The following FAM178B variants were observed in gnomAD, a reference collection of about 807,000 sequenced individuals.
The protein encoded by FAM178B is family with sequence similarity 178 member B.
A neutral mutation model predicts 91.7 loss-of-function variants in FAM178B; 82 were observed. The ratio of observed to expected loss-of-function variants is 0.89; its 90% CI spans 0.75 to 1.07. The LOEUF is 1.07. Ranked by LOEUF, FAM178B falls within the 50% of genes least tolerant of loss-of-function variation. FAM178B has a pLI of 0.00. For missense variants in FAM178B, 769 were observed against 846.7 expected, an observed-to-expected ratio of 0.91 and a Z score of 1.14; for synonymous variants, 368 against 359.4, an observed-to-expected ratio of 1.02 and a Z score of -0.27.
At chr2:96,984,406 ATGCAGTCTC>A (rs988124660) in intron 1 of FAM178B, among the ~76,000 whole-genome samples, 21 of 152,202 alleles carry the variant, frequency 1.4e-4, no homozygotes, top group Non-Finnish European at 2.8e-4. Context: ...GATGAGGAAG[ATGCAGTCTC>A]TGCCCTAGAG....
At position 96,986,384 on chromosome 2, in the gene FAM178B, C is replaced by T. The variant is rs1389165099; in HGVS notation, c.-71G>A. The T allele has an allele frequency of 1.1e-5, 16 of 1,491,834 alleles. No homozygotes were observed. In the East Asian group the frequency reaches 3.5e-4, roughly 33 times the overall value. 92.4% of individuals were successfully genotyped at this position (1,491,834 alleles called of 1,614,324 possible). On this transcript the variant is annotated 5_prime_UTR_variant, in exon 1 of 17. Coordinates refer to ENST00000490605, the MANE Select transcript of FAM178B (RefSeq NM_001122646.3). ...TTCGCACGGCCTCAGAGGACGGGGC[C>T]AGCTAGCCGGGAAAGGAAGCAGGAG...
rs559416706 is a variant in FAM178B at position 96,978,974 on chromosome 2, C to CT, written c.74-6369dup. ...ATAGTATTCTATGGTGTATGTATCA[C>CT]TTTTTTTTTTTTTTTTTTTTTGAAA... is the stretch of plus-strand genomic sequence containing the variant. On this transcript the variant is annotated intron_variant, in intron 1 of 16. Coordinates refer to ENST00000490605, the MANE Select transcript of FAM178B (RefSeq NM_001122646.3). Among the ~76,000 whole-genome samples, 46 of 56,802 alleles carry CT rather than the reference C, an allele frequency of 8.1e-4. 1 individual carries two copies. The highest frequency in any genetic ancestry group is 2.3e-3 in the East Asian group (6 of 2,604). The allele number at this position is 56,802 out of a possible 152,430, so 37.3% of individuals were successfully genotyped here. A position where few individuals can be genotyped will look rare whatever the true frequency, so the allele number is the denominator to read the frequency against.
rs184749682 is a variant in FAM178B, at chr2:96,942,350, G to A, written c.1078+5468C>T. ...CTTTCAATGTTGCAGAAATTGACGA[G>A]CTGGTCCTAAAATTCACATGGAAAT... On this transcript the variant is annotated intron_variant, in intron 8 of 16. Coordinates refer to ENST00000490605, the MANE Select transcript of FAM178B (RefSeq NM_001122646.3). 2.6e-3 allele frequency among the ~76,000 whole-genome samples: 398 copies of A among 152,264 alleles called. 17 individuals are homozygous for A. The East Asian group carries it at 0.045, about 17-fold the overall frequency.
chr2:96,916,811 G>T (rs145258656), intron 12 of FAM178B, among the ~76,000 whole-genome samples: 23 of 152,316 alleles, frequency 1.5e-4, no homozygotes, highest in African/African-American at 4.6e-4. Flanking sequence ...AGGAGTTCTC[G>T]CTTTGTGCTT....
chr2:96,953,434 C>T (rs1041976286), intron 6 of FAM178B, among the ~76,000 whole-genome samples: 1 of 152,200 alleles, frequency 6.6e-6, no homozygotes, highest in Non-Finnish European at 1.5e-5. Flanking sequence ...GGGGGCACCC[C>T]GCCAGTTTCT....
chr2:96,906,924 GCTCGTTTA>G (rs543769777), intron 12 of FAM178B, among the ~76,000 whole-genome samples: 3 of 152,226 alleles, frequency 2.0e-5, no homozygotes, highest in African/African-American at 4.8e-5. Flanking sequence ...CTGCGCGGGA[GCTCGTTTA>G]CTCGTTTACT....
intron 14 of FAM178B, among the ~76,000 whole-genome samples, chr2:96,882,799 G>A (rs1001273511): frequency 8.5e-5 from 13 of 152,226 alleles, no homozygotes; most frequent in African/African-American, 3.1e-4. Context: ...TCAGAACCTT[G>A]TCTGAAGACG....
chr2:96,923,344 G>T, intron 10 of FAM178B, 146 bp downstream of exon 10: 1 of 649,424 alleles, frequency 1.5e-6, no homozygotes, highest in Non-Finnish European at 2.8e-6. Context: ...CACAGTTTCT[G>T]TAGCATCCGG....
intron 12 of FAM178B, among the ~76,000 whole-genome samples, chr2:96,911,462 A>G (rs1021259127): frequency 2.0e-5 from 3 of 152,226 alleles, no homozygotes; most frequent in African/African-American, 7.2e-5. Context: ...GGAAGCCTGC[A>G]GGGAGCAGGG....
At chr2:96,949,664 C>T (rs1338404947) in intron 7 of FAM178B, among the ~76,000 whole-genome samples, 1 of 152,228 alleles carries the variant, frequency 6.6e-6, no homozygotes, top group Non-Finnish European at 1.5e-5. Context: ...CCTGAGGACA[C>T]TGCCCAGAAG....
In FAM178B at chr2:96,877,924, C is replaced by T. The variant is rs772799753; in HGVS notation, c.1973G>A (p.Arg658His). 83 of 1,613,612 alleles carry T rather than the reference C, an allele frequency of 5.1e-5. No individual in the cohort carries two copies. Among genetic ancestry groups the T allele is most frequent in the African/African-American group, 1.5e-4 (11 of 74,944 alleles). Residue 658 changes from arginine to histidine, a missense_variant, in exon 16 of 17, where the codon CGT (arginine) becomes CAT (histidine). Transcript: ENST00000490605. ...GCAGTGGGTCAGCAGCTCCTGCCAA[C>T]GGATGTAGGTCTGGGTAGCCAGGTC... ...LKDLATQTYI[R>H]WQELLTHCQP...
intron 9 of FAM178B, among the ~76,000 whole-genome samples, chr2:96,927,744 T>C (rs2081467910): frequency 6.6e-6 from 1 of 152,150 alleles, no homozygotes; most frequent in South Asian, 2.1e-4. Flanking sequence ...GGGAAGCAGC[T>C]CTTTGCAGAG....
chr2:96,878,729 C>A (rs2080307509), intron 14 of FAM178B, among the ~76,000 whole-genome samples: 1 of 152,334 alleles, frequency 6.6e-6, no homozygotes, highest in East Asian at 1.9e-4. Context: ...CCCAGCCTGC[C>A]CTCTGATGAA....
At chr2:96,885,708 G>T (rs1288352524) in intron 14 of FAM178B, among the ~76,000 whole-genome samples, 1 of 152,208 alleles carries the variant, frequency 6.6e-6, no homozygotes, top group African/African-American at 2.4e-5. Flanking sequence ...CTTCCTGCTG[G>T]TGGGGGTCAG....
At chr2:96,918,147 C>T (rs997840126) in intron 12 of FAM178B, among the ~76,000 whole-genome samples, 1 of 132,232 alleles carries the variant, frequency 7.6e-6, no homozygotes, top group Non-Finnish European at 1.6e-5. Flanking sequence ...TAAATCTATT[C>T]TAAAATAAAA....
At chr2:96,981,903 C>CA (rs915645115) in intron 1 of FAM178B, among the ~76,000 whole-genome samples, 4 of 151,794 alleles carry the variant, frequency 2.6e-5, no homozygotes, top group African/African-American at 7.2e-5. Context: ...CCTGTCTCTA[C>CA]AAAAAAACGC....
chr2:96,909,295 C>G (rs1437626033), intron 12 of FAM178B, among the ~76,000 whole-genome samples: 1 of 152,184 alleles, frequency 6.6e-6, no homozygotes, highest in South Asian at 2.1e-4. Context: ...CAAGACAGCC[C>G]AAATTCATTT....
Position 96,878,475 on chromosome 2 carries a change from T to C in FAM178B, c.1795A>G (p.Ser599Gly). 1.2e-6 allele frequency: 2 copies of C among 1,613,926 alleles called. No individual in the cohort carries two copies. The highest frequency in any genetic ancestry group is 2.2e-5 in the South Asian group (2 of 91,078). Residue 599 changes from serine to glycine, a missense_variant, in exon 15 of 17, where the codon AGC (serine) becomes GGC (glycine). Transcript: ENST00000490605. ...LDHKACYLCH[S>G]LLMLAGVVVS... ...ACTACCCCGGCCAGCATCAGCAAGC[T>C]GTGGCACAGGTAGCAGGCCTGGAGG... is the stretch of plus-strand genomic sequence containing the variant.
intron 8 of FAM178B, among the ~76,000 whole-genome samples, chr2:96,930,497 G>T (rs11680224): frequency 0.48 from 73,314 of 152,040 alleles, 20,752 homozygotes; most frequent in Non-Finnish European, 0.65. Flanking sequence ...AGCATTGTCC[G>T]ACTTAGCAGT....
Sources: allele counts gnomAD v4.1 joint callset (sites outside exome capture counted in the v4.1 genomes callset), GRCh38; gene constraint gnomAD v4.1.1; transcripts MANE v1.5; gene names NCBI Gene and HGNC (gene_info 2026-07-23, HGNC 2026-07-21).